The following ARHGAP8 variants were observed in gnomAD, a reference collection of about 807,000 sequenced individuals.
ARHGAP8 encodes the protein Rho GTPase activating protein 8, also known as rho GTPase-activating protein 8.
Under a neutral mutation model 46.1 loss-of-function variants are expected in ARHGAP8, and 62 were observed. The observed-to-expected ratio is 1.34, with a 90% CI of 1.10 to 1.66. The LOEUF is 1.66. Ranked by LOEUF, ARHGAP8 falls within the 40% of genes most tolerant of loss-of-function variation. The pLI, the probability that ARHGAP8 is intolerant of heterozygous loss-of-function variation, is 0.00. For missense variants in ARHGAP8, 923 were observed against 568.4 expected, an observed-to-expected ratio of 1.62 and a Z score of -6.34; for synonymous variants, 375 against 243.1, an observed-to-expected ratio of 1.54 and a Z score of -5.05.
chr22:44,785,436 C>T (rs1216767508), intron 1 of ARHGAP8, among the ~76,000 whole-genome samples: 1 of 152,144 alleles, frequency 6.6e-6, no homozygotes, highest in Non-Finnish European at 1.5e-5. Context: ...CTGGTGGTTC[C>T]TGGTGTCCCT....
At chr22:44,852,188 T>TC (rs2070110640) in intron 10 of ARHGAP8, among the ~76,000 whole-genome samples, 1 of 36,090 alleles carries the variant, frequency 2.8e-5, no homozygotes, top group African/African-American at 1.1e-4. Context: ...TGAGACTTTG[T>TC]CAAAAAAAAA....
chr22:44,814,278 G>T (rs547267332), intron 4 of ARHGAP8, among the ~76,000 whole-genome samples: 1 of 152,334 alleles, frequency 6.6e-6, no homozygotes, highest in African/African-American at 2.4e-5. Flanking sequence ...AACACGGTGA[G>T]CTCCTTCTAG....
intron 4 of ARHGAP8, among the ~76,000 whole-genome samples, chr22:44,813,656 C>T (rs1253692070): frequency 6.6e-6 from 1 of 151,854 alleles, no homozygotes; most frequent in African/African-American, 2.4e-5. Context: ...CACACCCACA[C>T]ACCTAAATAC....
chr22:44,859,796 T>C lies in ARHGAP8; in HGVS notation c.943T>C (p.Tyr315His). ...CTTACGGAGCCTCCCAGAGCACAAC[T>C]ACGTCGTCCTCCGCTACCTCATGGG... ...QILRSLPEHNYVVLRYLMGFL... is the reference protein window; with the variant it reads ...QILRSLPEHNHVVLRYLMGFL... Residue 315 changes from tyrosine (Y) to histidine (H), a missense_variant, in exon 11 of 12, where the codon TAC becomes CAC. Tyr to His is a moderately conservative substitution (Grantham distance 83). Transcript: ENST00000356099. 2 of 1,614,048 alleles carry C rather than the reference T, an allele frequency of 1.2e-6. No homozygotes were observed. The highest frequency in any genetic ancestry group is 8.5e-7 in the Non-Finnish European group (1 of 1,180,014).
intron 2 of ARHGAP8, among the ~76,000 whole-genome samples, chr22:44,796,017 C>G (rs1295357049): frequency 6.6e-6 from 1 of 151,150 alleles, no homozygotes; most frequent in Non-Finnish European, 1.5e-5. Context: ...CTGTCCCTCC[C>G]CCTCCTCACC....
At position 44,834,390 on chromosome 22, in the gene ARHGAP8, T is replaced by C. The variant is rs114224100; in HGVS notation, c.596+8797T>C. Among the ~76,000 whole-genome samples the C allele has an allele frequency of 2.0e-3, 312 of 152,226 alleles. 1 individual carries two copies. Among genetic ancestry groups the C allele is most frequent in the African/African-American group, 7.3e-3 (302 of 41,580 alleles). ...CTTGTAATTTTTTTCTTTGATTCAT[T>C]GATTTCTAGGAGTCTGTTGTTAAAT... On this transcript the variant is annotated intron_variant, in intron 7 of 11. Coordinates refer to ENST00000356099, the MANE Select transcript of ARHGAP8 (RefSeq NM_181335.3).
chr22:44,860,968 A>G (rs1273968413), intron 11 of ARHGAP8, among the ~76,000 whole-genome samples: 1 of 149,880 alleles, frequency 6.7e-6, no homozygotes, highest in Admixed American at 6.7e-5. Context: ...GTTGCTTGAC[A>G]TAATTTCTCA....
intron 11 of ARHGAP8, among the ~76,000 whole-genome samples, chr22:44,861,504 T>C (rs2070482580): frequency 6.6e-6 from 1 of 151,926 alleles, no homozygotes; most frequent in Non-Finnish European, 1.5e-5. Context: ...CCATCTCACC[T>C]GAGCATCCTC....
At chr22:44,827,112 C>T (rs865805032) in intron 7 of ARHGAP8, among the ~76,000 whole-genome samples, 1 of 151,944 alleles carries the variant, frequency 6.6e-6, no homozygotes, top group Non-Finnish European at 1.5e-5. Context: ...AGCGTCTTTA[C>T]AAGAGGGAGG....
intron 2 of ARHGAP8, among the ~76,000 whole-genome samples, chr22:44,793,636 C>T (rs1326465241): frequency 2.0e-5 from 3 of 152,286 alleles, no homozygotes; most frequent in African/African-American, 4.8e-5. Context: ...ACTCGCCCCA[C>T]GCACCCTGTG....
Position 44,862,631 on chromosome 22 carries a change from C to G in ARHGAP8, c.*36C>G, listed in dbSNP as rs111858743. ...ACTCTGTATATTTCGAGCTACCTCCCACACCTGTCTGTGCACTTGTATGTT... is the reference window on the plus strand; with the variant it reads ...ACTCTGTATATTTCGAGCTACCTCCGACACCTGTCTGTGCACTTGTATGTT... On this transcript the variant is annotated 3_prime_UTR_variant, in exon 12 of 12. Coordinates refer to ENST00000356099, the MANE Select transcript of ARHGAP8 (RefSeq NM_181335.3). 18 of 1,521,800 alleles carry G rather than the reference C, an allele frequency of 1.2e-5. No individual in the cohort carries two copies. Among genetic ancestry groups the G allele is most frequent in the Middle Eastern group, 1.8e-4 (1 of 5,636 alleles). 94.3% of individuals were successfully genotyped at this position (1,521,800 alleles called of 1,614,324 possible).
At chr22:44,802,290 G>A in intron 3 of ARHGAP8, 126 bp downstream of exon 3, 1 of 1,253,494 alleles carries the variant, frequency 8.0e-7, no homozygotes, top group South Asian at 1.5e-5. Flanking sequence ...TTGCTGGTGT[G>A]CAGAGCTCTT....
chr22:44,798,668 C>T (rs1009133209), intron 2 of ARHGAP8, among the ~76,000 whole-genome samples: 9 of 152,066 alleles, frequency 5.9e-5, no homozygotes, highest in African/African-American at 1.4e-4. Context: ...CCCAGTGGAA[C>T]GTTCTCTGTG....
At chr22:44,762,461 G>C (rs1020988034) in intron 1 of ARHGAP8, among the ~76,000 whole-genome samples, 1 of 151,722 alleles carries the variant, frequency 6.6e-6, no homozygotes, top group East Asian at 1.9e-4. Context: ...TCTTTGTTAG[G>C]TCTTTGTCCC....
chr22:44,856,630 C>T lies in ARHGAP8; in HGVS notation c.878-3101C>T, dbSNP rs1311494656. ...GGCTGTTCCCCCAGGCATTTGGAAGCCAAACTGGCCATAAAGGCAAGTTCT... is the reference window on the plus strand; with the variant it reads ...GGCTGTTCCCCCAGGCATTTGGAAGTCAAACTGGCCATAAAGGCAAGTTCT... On this transcript the variant is annotated intron_variant, in intron 10 of 11. Transcript: ENST00000356099. Among the ~76,000 whole-genome samples the T allele has an allele frequency of 6.5e-5, 8 of 123,516 alleles. 2 individuals are homozygous for T. Among genetic ancestry groups the T allele is most frequent in the Middle Eastern group, 3.9e-3 (1 of 256 alleles). 81.0% of individuals were successfully genotyped at this position (123,516 alleles called of 152,430 possible).
chr22:44,852,101 G>A (rs1383306109), intron 10 of ARHGAP8, among the ~76,000 whole-genome samples: 6 of 145,364 alleles, frequency 4.1e-5, no homozygotes, highest in Non-Finnish European at 8.9e-5. Context: ...TGAGGCACGA[G>A]AACTGCTTTG....
intron 11 of ARHGAP8, among the ~76,000 whole-genome samples, chr22:44,860,160 G>A (rs1209773461): frequency 1.3e-5 from 2 of 148,504 alleles, no homozygotes; most frequent in African/African-American, 4.8e-5. Context: ...TAGGAGGTGG[G>A]AGCTGTGTCC....
intron 1 of ARHGAP8, 36 bp from the exon 2 acceptor site, chr22:44,786,421 G>A: frequency 1.3e-6 from 2 of 1,553,280 alleles, no homozygotes; most frequent in Non-Finnish European, 1.7e-6. Context: ...CCTTACTGGA[G>A]AATGCACTGA....
chr22:44,842,964 A>T (rs1385073933), intron 7 of ARHGAP8, among the ~76,000 whole-genome samples: 1 of 152,194 alleles, frequency 6.6e-6, no homozygotes, highest in Non-Finnish European at 1.5e-5. Context: ...AATGTATGCC[A>T]TGGGCTACGT....
Sources: allele counts gnomAD v4.1 joint callset (sites outside exome capture counted in the v4.1 genomes callset), GRCh38; gene constraint gnomAD v4.1.1; transcripts MANE v1.5; gene names NCBI Gene and HGNC (gene_info 2026-07-23, HGNC 2026-07-21).